Variants in KLHL15 observed in about 807,000 individuals in gnomAD.
KLHL15 encodes the protein kelch-like protein 15.
KLHL15 carries 1 observed loss-of-function variant against 29.3 expected under a neutral mutation model. That is an observed-to-expected ratio of 0.03 (90% CI 0.01 to 0.16). The LOEUF (loss-of-function observed/expected upper bound fraction) is 0.16. KLHL15 is among the 10% of genes least tolerant of loss of function. The probability of loss-of-function intolerance (pLI) is 1.00; values close to 1 mark genes in which losing one functional copy is unlikely to be tolerated. For synonymous variants in KLHL15, 212 were observed against 184.5 expected (o/e 1.15, Z -1.21); for missense variants, 215 against 478.5 (o/e 0.45, Z 5.14).
At chrX:24,019,865 G>A (rs913921372) in intron 2 of KLHL15, among the ~76,000 whole-genome samples, 1 of 112,208 alleles carries the variant, frequency 8.9e-6, no homozygotes, top group Non-Finnish European at 1.9e-5. Context: ...CCATTCTGAT[G>A]TGAAGGCAAA....
intron 2 of KLHL15, among the ~76,000 whole-genome samples, chrX:24,016,769 C>A (rs977263522): frequency 1.8e-5 from 2 of 111,510 alleles, no homozygotes; most frequent in Non-Finnish European, 3.8e-5. Context: ...AGTGCATGGA[C>A]CTTAAGTACA....
rs1257871579 is a variant in KLHL15, at chrX:23,985,713, C to G, written c.*2208G>C. On this transcript the variant is annotated 3_prime_UTR_variant, in exon 4 of 4. Coordinates refer to ENST00000328046, the MANE Select transcript of KLHL15 (RefSeq NM_030624.3). ...CCTGACTAGGGTCATGAAGTCATATCTAAGCAATTAAAGAGAACCACCACT... is the reference window on the plus strand; with the variant it reads ...CCTGACTAGGGTCATGAAGTCATATGTAAGCAATTAAAGAGAACCACCACT... The G allele has an allele frequency of 8.9e-6, 1 of 112,481 alleles. No homozygotes were observed. Among genetic ancestry groups the G allele is most frequent in the African/African-American group, 3.2e-5 (1 of 31,040 alleles). The allele number at this position is 112,481 out of a possible 1,213,427, so 9.3% of individuals were successfully genotyped here.
At chrX:23,993,190 T>G (rs186172563) in intron 3 of KLHL15, among the ~76,000 whole-genome samples, 1 of 108,643 alleles carries the variant, frequency 9.2e-6, no homozygotes, top group East Asian at 2.9e-4. Context: ...ATCTCAAAAC[T>G]AATTTCCTGG....
At chrX:24,003,263 T>C (rs1929367563) in intron 3 of KLHL15, among the ~76,000 whole-genome samples, 1 of 110,884 alleles carries the variant, frequency 9.0e-6, no homozygotes, top group Non-Finnish European at 1.9e-5. Flanking sequence ...TGTAGATGCA[T>C]GGCCAGGCGC....
rs1361293978 is a variant in KLHL15 at position 23,987,057 on chromosome X, AAT to A, written c.*862_*863del. On this transcript the variant is annotated 3_prime_UTR_variant, in exon 4 of 4. Transcript: ENST00000328046. The stretch of plus-strand genomic sequence containing the variant: ...CACTAACATTTACTTTTGAAAATAA[AAT>A]ATAAAGTGTTAGTTTTCATAACCAT... 8.9e-6 allele frequency: 1 copy of A among 112,733 alleles called. No individual in the cohort carries two copies. The highest frequency in any genetic ancestry group is 2.7e-4 in the East Asian group (1 of 3,645). The allele number at this position is 112,733 out of a possible 1,213,427, so 9.3% of individuals were successfully genotyped here.
chrX:24,001,561 T>TG (rs1929315673), intron 3 of KLHL15, among the ~76,000 whole-genome samples: 1 of 109,616 alleles, frequency 9.1e-6, no homozygotes. Context: ...CCCAGCACTT[T>TG]GGGGGGCCGA....
Position 24,020,292 on chromosome X carries a change from C to T in KLHL15, c.-8+4565G>A, listed in dbSNP as rs146302817. ...CAACATACCAATATAAAAGAAAAGACAAATTTAAAGACAGACTTTTAAGCT... is the reference window on the plus strand; with the variant it reads ...CAACATACCAATATAAAAGAAAAGATAAATTTAAAGACAGACTTTTAAGCT... On this transcript the variant is annotated intron_variant, in intron 2 of 3. Coordinates refer to ENST00000328046, the MANE Select transcript of KLHL15 (RefSeq NM_030624.3). Among the ~76,000 whole-genome samples the T allele has an allele frequency of 4.3e-3, 479 of 112,408 alleles. 6 individuals are homozygous for T. Among genetic ancestry groups the T allele is most frequent in the African/African-American group, 0.015 (459 of 30,989 alleles).
At chrX:24,011,743 C>A (rs1485583111) in intron 2 of KLHL15, among the ~76,000 whole-genome samples, 1 of 112,034 alleles carries the variant, frequency 8.9e-6, no homozygotes, top group South Asian at 3.6e-4. Flanking sequence ...GTTGAGGCTG[C>A]AGTGAGCCAT....
chrX:24,014,513 TCAAAAAAA>T (rs148551215), intron 2 of KLHL15, among the ~76,000 whole-genome samples: 18,589 of 104,756 alleles, frequency 0.18, 1,434 homozygotes, highest in South Asian at 0.52. Context: ...CTATGCTTTC[TCAAAAAAA>T]CAAAAAAACA....
At position 24,026,309 on chromosome X, in the gene KLHL15, C is replaced by G. The variant is rs750614387; in HGVS notation, c.-210+831G>C. On this transcript the variant is annotated intron_variant, in intron 1 of 3. Transcript: ENST00000328046. ...CTACTTGCGTCAAAATAATCAAGAA[C>G]GAACATTCAGAGGGCAGTGATTTTT... Among the ~76,000 whole-genome samples the G allele has an allele frequency of 6.2e-5, 7 of 112,316 alleles. No individual in the cohort carries two copies. In the East Asian group the frequency reaches 1.9e-3, roughly 31 times the overall value.
Position 23,987,815 on chromosome X carries a change from T to G in KLHL15, c.*106A>C. ...AAAAATTCTTACAATGTTAGACCAA[T>G]GGCTTTGATAGTAAAACTGGTGAGG... is the stretch of plus-strand genomic sequence containing the variant. On this transcript the variant is annotated 3_prime_UTR_variant, in exon 4 of 4. Coordinates refer to ENST00000328046, the MANE Select transcript of KLHL15 (RefSeq NM_030624.3). The G allele has an allele frequency of 1.3e-6, 1 of 758,670 alleles. No homozygotes were observed. The highest frequency in any genetic ancestry group is 2.9e-5 in the South Asian group (1 of 35,058). The allele number at this position is 758,670 out of a possible 1,213,427, so 62.5% of individuals were successfully genotyped here.
chrX:24,020,867 CTAAA>C lies in KLHL15; in HGVS notation c.-8+3986_-8+3989del, dbSNP rs759657368. On this transcript the variant is annotated intron_variant, in intron 2 of 3. Coordinates refer to ENST00000328046, the MANE Select transcript of KLHL15 (RefSeq NM_030624.3). ...TCCTCATAAGAATTATACAACCAAA[CTAAA>C]TATTTTGGAAAGTCTTGCTGTTATG... is the stretch of plus-strand genomic sequence containing the variant. Among the ~76,000 whole-genome samples the C allele has an allele frequency of 2.1e-3, 237 of 111,899 alleles. 2 individuals carry two copies. Among genetic ancestry groups the C allele is most frequent in the Admixed American group, 0.019 (202 of 10,484 alleles).
At chrX:24,001,388 A>G (rs1304004196) in intron 3 of KLHL15, among the ~76,000 whole-genome samples, 1 of 111,956 alleles carries the variant, frequency 8.9e-6, no homozygotes, top group African/African-American at 3.2e-5. Flanking sequence ...ATGCATATTT[A>G]TAATACTGAA....
intron 3 of KLHL15, among the ~76,000 whole-genome samples, chrX:23,991,409 C>T (rs1383889753): frequency 9.3e-6 from 1 of 106,983 alleles, no homozygotes; most frequent in African/African-American, 3.4e-5. Context: ...ACCCCAGCTA[C>T]TTGGGAGGCT....
chrX:24,010,716 C>A (rs887730476), intron 2 of KLHL15, among the ~76,000 whole-genome samples: 15 of 111,543 alleles, frequency 1.3e-4, no homozygotes, highest in Non-Finnish European at 2.6e-4. Context: ...ACCCAATCTC[C>A]CAAGTTCTGT....
At chrX:24,024,229 C>T (rs940862193) in intron 2 of KLHL15, among the ~76,000 whole-genome samples, 1 of 111,779 alleles carries the variant, frequency 8.9e-6, no homozygotes, top group Non-Finnish European at 1.9e-5. Context: ...GGATTCACAG[C>T]ACTGCTTTAC....
In KLHL15 at chrX:24,006,612, C is replaced by G; in HGVS notation, c.82G>C (p.Gly28Arg). Residue 28 changes from glycine to arginine, a missense_variant, in exon 3 of 4, where the codon GGA becomes CGA. Physicochemically the swap from Gly to Arg is moderately radical, Grantham distance 125 (BLOSUM62 -2). Transcript: ENST00000328046. ...SAGFRALYEE[G>R]LLLDVTLVIE... The stretch of plus-strand genomic sequence containing the variant: ...ACCAGAGTGACATCAAGAAGCAATC[C>G]CTCCTCATACAGTGCTCTGAACCCA... 1 of 1,210,843 alleles carries G rather than the reference C, an allele frequency of 8.3e-7. No individual in the cohort carries two copies.
chrX:24,007,491 C>CA (rs1173565203), intron 2 of KLHL15, among the ~76,000 whole-genome samples: 5 of 62,326 alleles, frequency 8.0e-5, no homozygotes, highest in African/African-American at 2.2e-4. Flanking sequence ...ACCCCATTTC[C>CA]AAAAAAAAAA....
chrX:24,002,143 GAATA>G (rs200125047), intron 3 of KLHL15, among the ~76,000 whole-genome samples: 40 of 107,701 alleles, frequency 3.7e-4, no homozygotes, highest in East Asian at 2.0e-3. Flanking sequence ...AAAAGAAAAT[GAATA>G]AATAAATAAA....
Sources: allele counts gnomAD v4.1 joint callset (sites outside exome capture counted in the v4.1 genomes callset), GRCh38; gene constraint gnomAD v4.1.1; transcripts MANE v1.5; gene names NCBI Gene and HGNC (gene_info 2026-07-23, HGNC 2026-07-21).